PXDNL: variants seen among roughly 807,000 people sequenced by gnomAD.
PXDNL encodes the protein probable oxidoreductase PXDNL.
In PXDNL, 145 loss-of-function variants were observed where a neutral mutation model predicts 150.8. That is an observed-to-expected ratio of 0.96 (90% CI 0.84 to 1.10). The LOEUF is 1.10. PXDNL is among the 50% of genes least tolerant of loss of function. The pLI is 0.00. For missense variants in PXDNL, 2,087 were observed against 1,873.9 expected (o/e 1.11, Z -2.10); for synonymous variants, 757 against 725.7 (o/e 1.04, Z -0.69).
intron 19 of PXDNL, among the ~76,000 whole-genome samples, chr8:51,370,070 G>T (rs1186115766): frequency 6.6e-6 from 1 of 152,202 alleles, no homozygotes; most frequent in Non-Finnish European, 1.5e-5. Context: ...AGGCCTTCAG[G>T]TCAGCTGTGG....
At chr8:51,600,751 T>C (rs1366834607) in intron 2 of PXDNL, among the ~76,000 whole-genome samples, 4 of 136,302 alleles carry the variant, frequency 2.9e-5, no homozygotes, top group Non-Finnish European at 3.0e-5. Flanking sequence ...AATTATATAG[T>C]TTAGATAATA....
At chr8:51,583,125 A>G (rs1813245465) in intron 3 of PXDNL, among the ~76,000 whole-genome samples, 1 of 152,180 alleles carries the variant, frequency 6.6e-6, no homozygotes, top group African/African-American at 2.4e-5. Context: ...CAAGGTGCCA[A>G]AATATTTTTT....
chr8:51,804,314 G>A (rs1432652375), intron 1 of PXDNL, among the ~76,000 whole-genome samples: 1 of 152,174 alleles, frequency 6.6e-6, no homozygotes, highest in African/African-American at 2.4e-5. Flanking sequence ...GCAGAGGGGT[G>A]ACTTTGAGTA....
intron 21 of PXDNL, among the ~76,000 whole-genome samples, chr8:51,338,610 A>G (rs1382128664): frequency 6.6e-6 from 1 of 152,252 alleles, no homozygotes; most frequent in African/African-American, 2.4e-5. Context: ...GATGCTATGA[A>G]GAAAAGCATA....
chr8:51,380,284 G>A (rs1183702515), intron 17 of PXDNL, among the ~76,000 whole-genome samples: 1 of 152,170 alleles, frequency 6.6e-6, no homozygotes, highest in Non-Finnish European at 1.5e-5. Context: ...GGAACATCAA[G>A]CCACCCTACC....
intron 1 of PXDNL, among the ~76,000 whole-genome samples, chr8:51,757,089 T>A (rs1468768521): frequency 6.6e-6 from 1 of 152,244 alleles, no homozygotes. Context: ...TAGTGATTTT[T>A]TTTTAATATT....
At chr8:51,442,670 T>C (rs947431443) in intron 12 of PXDNL, among the ~76,000 whole-genome samples, 1 of 151,974 alleles carries the variant, frequency 6.6e-6, no homozygotes, top group Non-Finnish European at 1.5e-5. Context: ...ATTAATAAAA[T>C]ATATTCTTTT....
At chr8:51,627,019 C>T (rs1814376222) in intron 2 of PXDNL, among the ~76,000 whole-genome samples, 1 of 152,132 alleles carries the variant, frequency 6.6e-6, no homozygotes, top group South Asian at 2.1e-4. Flanking sequence ...CTTACAAGAG[C>T]ACATTTAATA....
intron 5 of PXDNL, among the ~76,000 whole-genome samples, chr8:51,496,838 G>T (rs1042383945): frequency 6.6e-6 from 1 of 152,084 alleles, no homozygotes; most frequent in East Asian, 1.9e-4. Flanking sequence ...AAGAATCAAT[G>T]TCATGAAAAT....
intron 3 of PXDNL, among the ~76,000 whole-genome samples, chr8:51,564,478 C>A (rs1812775057): frequency 6.6e-6 from 1 of 151,484 alleles, no homozygotes; most frequent in African/African-American, 2.4e-5. Flanking sequence ...GATAATAAGC[C>A]TAGTGCTCAT....
chr8:51,480,056 C>T (rs1810566723), intron 6 of PXDNL, among the ~76,000 whole-genome samples: 1 of 152,144 alleles, frequency 6.6e-6, no homozygotes, highest in African/African-American at 2.4e-5. Context: ...CTTGATTAAA[C>T]TCAAAGATTA....
chr8:51,755,494 A>G (rs971401319), intron 1 of PXDNL, among the ~76,000 whole-genome samples: 1 of 151,898 alleles, frequency 6.6e-6, no homozygotes, highest in Non-Finnish European at 1.5e-5. Flanking sequence ...GGATTTTGCC[A>G]TGTTGCAGGC....
chr8:51,631,908 C>T (rs1585633537), intron 2 of PXDNL, among the ~76,000 whole-genome samples: 1 of 151,664 alleles, frequency 6.6e-6, no homozygotes, highest in South Asian at 2.1e-4. Context: ...TAATTAAATG[C>T]AAAAGAAGGT....
At chr8:51,344,673 T>A (rs1806088707) in intron 20 of PXDNL, among the ~76,000 whole-genome samples, 1 of 152,226 alleles carries the variant, frequency 6.6e-6, no homozygotes. Context: ...ATGTTTGGCA[T>A]TCAGTGAACA....
rs551609830 is a variant in PXDNL at position 51,340,578 on chromosome 8, T to G, written c.4017-825A>C. Reference sequence around the variant, plus strand: ...TTGAAATATGTCTTCCATTGTTTACTAAGAAAATGGCTTGCCAGAAACAGT... The same window carrying G: ...TTGAAATATGTCTTCCATTGTTTACGAAGAAAATGGCTTGCCAGAAACAGT... On this transcript the variant is annotated intron_variant, in intron 20 of 22. Transcript: ENST00000356297. Among the ~76,000 whole-genome samples, 621 of 152,334 alleles carry G rather than the reference T, an allele frequency of 4.1e-3. 6 individuals are homozygous for G. Among genetic ancestry groups the G allele is most frequent in the African/African-American group, 0.014 (594 of 41,572 alleles).
At chr8:51,651,487 C>T (rs1269715748) in intron 2 of PXDNL, among the ~76,000 whole-genome samples, 1 of 152,098 alleles carries the variant, frequency 6.6e-6, no homozygotes, top group East Asian at 1.9e-4. Context: ...ATTGGAAGGA[C>T]CAGAAATACC....
chr8:51,396,490 C>T (rs1808085941), intron 17 of PXDNL, among the ~76,000 whole-genome samples: 1 of 152,266 alleles, frequency 6.6e-6, no homozygotes, highest in Non-Finnish European at 1.5e-5. Flanking sequence ...GGTGCAGTGG[C>T]TCATGCCTGT....
rs6984660 is a variant in PXDNL, at chr8:51,585,784, A to C, written c.308+6843T>G. Among the ~76,000 whole-genome samples the C allele has an allele frequency of 5.9e-3, 902 of 152,200 alleles. 3 individuals carry two copies. Among genetic ancestry groups the C allele is most frequent in the African/African-American group, 0.021 (855 of 41,518 alleles). On this transcript the variant is annotated intron_variant, in intron 3 of 22. Coordinates refer to ENST00000356297, the MANE Select transcript of PXDNL (RefSeq NM_144651.5). ...CATTCATTAAAAGATACTTGCCATAACACAAACATACCAGACTATTTGCTG... is the reference window on the plus strand; with the variant it reads ...CATTCATTAAAAGATACTTGCCATACCACAAACATACCAGACTATTTGCTG...
intron 2 of PXDNL, among the ~76,000 whole-genome samples, chr8:51,643,529 T>C (rs1585643392): frequency 6.6e-6 from 1 of 152,200 alleles, no homozygotes. Context: ...TTACACCTTA[T>C]ACAAAAATTA....
Sources: gnomAD v4.1 joint callset for allele counts (sites outside exome capture counted in the v4.1 genomes callset) on GRCh38, gnomAD v4.1.1 for gene constraint, MANE v1.5 for transcripts, NCBI Gene and HGNC (gene_info 2026-07-23, HGNC 2026-07-21) for gene names.